Variants in ANKRD33B observed in about 807,000 individuals in gnomAD.
ANKRD33B encodes the protein ankyrin repeat domain 33B.
A neutral mutation model predicts 21.5 loss-of-function variants in ANKRD33B; 6 were observed. The observed-to-expected ratio is 0.28, with a 90% confidence interval of 0.15 to 0.55. The LOEUF is 0.55. Among genes scored for constraint, ANKRD33B ranks in the 20% least tolerant of loss-of-function variants. The probability of loss-of-function intolerance (pLI) is 0.94; values close to 1 mark genes in which losing one functional copy is unlikely to be tolerated. For missense variants in ANKRD33B, 698 were observed against 747.2 expected, an observed-to-expected ratio of 0.93 and a Z score of 0.77; for synonymous variants, 347 against 342.4, an observed-to-expected ratio of 1.01 and a Z score of -0.15.
At chr5:10,636,549 CCACACTACAG>C (rs1449058723) in intron 2 of ANKRD33B, among the ~76,000 whole-genome samples, 3 of 152,144 alleles carry the variant, frequency 2.0e-5, no homozygotes, top group Non-Finnish European at 2.9e-5. Context: ...CCCAGGAGGT[CCACACTACAG>C]TGAGCTATGA....
chr5:10,637,345 C>T (rs1736890431), intron 2 of ANKRD33B, among the ~76,000 whole-genome samples: 1 of 151,762 alleles, frequency 6.6e-6, no homozygotes, highest in African/African-American at 2.4e-5. Context: ...TTCTCTGAGA[C>T]ATCTCCTTAC....
chr5:10,626,820 G>A (rs1736561899), intron 2 of ANKRD33B, among the ~76,000 whole-genome samples: 1 of 152,200 alleles, frequency 6.6e-6, no homozygotes, highest in South Asian at 2.1e-4. Flanking sequence ...CACCAACCAG[G>A]GTTGCGTCAC....
At chr5:10,640,446 T>C (rs1737020076) in intron 3 of ANKRD33B, among the ~76,000 whole-genome samples, 1 of 152,210 alleles carries the variant, frequency 6.6e-6, no homozygotes, top group South Asian at 2.1e-4. Flanking sequence ...CTAAGCTAAA[T>C]GCCACACAAC....
At chr5:10,570,578 G>A (rs116770021) in intron 1 of ANKRD33B, among the ~76,000 whole-genome samples, 4,863 of 152,142 alleles carry the variant, frequency 0.032, 277 homozygotes, top group African/African-American at 0.11. Flanking sequence ...ATTATTTTGA[G>A]ATAGAGTCTC....
At chr5:10,604,346 C>T (rs949464317) in intron 1 of ANKRD33B, among the ~76,000 whole-genome samples, 13 of 151,020 alleles carry the variant, frequency 8.6e-5, no homozygotes, top group Non-Finnish European at 1.5e-4. Context: ...TATGCGCCAC[C>T]GCACCCGGCT....
At chr5:10,581,398 G>A (rs1267614528) in intron 1 of ANKRD33B, among the ~76,000 whole-genome samples, 1 of 152,242 alleles carries the variant, frequency 6.6e-6, no homozygotes, top group South Asian at 2.1e-4. Flanking sequence ...CTCTGGGCTC[G>A]CCAACACCGT....
intron 2 of ANKRD33B, 79 bp downstream of exon 2, chr5:10,618,541 T>A (rs149740106): frequency 6.9e-7 from 1 of 1,448,176 alleles, no homozygotes; most frequent in Non-Finnish European, 9.1e-7. Context: ...CCCGTTGCGA[T>A]GCAGTCAGGA....
At chr5:10,588,189 G>A (rs1049762467) in intron 1 of ANKRD33B, among the ~76,000 whole-genome samples, 2 of 152,180 alleles carry the variant, frequency 1.3e-5, no homozygotes, top group East Asian at 1.9e-4. Context: ...AAGTGACTGC[G>A]AATTCATGAT....
At chr5:10,637,918 G>T (rs1736909892) in intron 2 of ANKRD33B, 110 bp from the exon 3 acceptor site, 1 of 1,268,192 alleles carries the variant, frequency 7.9e-7, no homozygotes, top group Middle Eastern at 2.7e-4. Flanking sequence ...CAGCAGACCG[G>T]CTGGCCCAGG....
intron 1 of ANKRD33B, among the ~76,000 whole-genome samples, chr5:10,616,103 T>C (rs990818581): frequency 5.9e-5 from 9 of 152,200 alleles, no homozygotes; most frequent in African/African-American, 2.2e-4. Flanking sequence ...ATTGAGTTGA[T>C]TATGCTGTGG....
At chr5:10,579,501 T>G (rs1243675912) in intron 1 of ANKRD33B, among the ~76,000 whole-genome samples, 2 of 152,202 alleles carry the variant, frequency 1.3e-5, no homozygotes, top group African/African-American at 4.8e-5. Context: ...TTTTTAAAAT[T>G]TCTGAATAGA....
Position 10,638,132 on chromosome 5 carries a change from G to C in ANKRD33B, c.601G>C (p.Gly201Arg). Reference protein sequence around the residue: ...FTALMKAAMQGRTDCIRALML... With the variant: ...FTALMKAAMQRRTDCIRALML... The stretch of plus-strand genomic sequence containing the variant: ...CGCCCTGATGAAAGCCGCCATGCAG[G>C]GTCGAACGGACTGCATCCGAGCCCT... Residue 201 changes from glycine (G) to arginine (R), a missense_variant, in exon 3 of 4, where the codon GGT becomes CGT. This residue lies in a region of ANKRD33B where 543 missense variants were observed against 566.5 expected (regional missense o/e 0.96). Coordinates refer to ENST00000296657, the MANE Select transcript of ANKRD33B (RefSeq NM_001164440.2). The C allele has an allele frequency of 6.5e-7, 1 of 1,537,412 alleles. No homozygotes were observed. Among genetic ancestry groups the C allele is most frequent in the Non-Finnish European group, 8.7e-7 (1 of 1,146,918 alleles).
chr5:10,648,775 G>T (rs917986678), intron 3 of ANKRD33B, among the ~76,000 whole-genome samples: 1 of 151,942 alleles, frequency 6.6e-6, no homozygotes, highest in African/African-American at 2.4e-5. Flanking sequence ...AAAAAATTCT[G>T]TAATTTAGGT....
chr5:10,631,305 G>T (rs945253859), intron 2 of ANKRD33B, among the ~76,000 whole-genome samples: 6 of 152,176 alleles, frequency 3.9e-5, no homozygotes, highest in Non-Finnish European at 5.9e-5. Context: ...GGTCTGCAAG[G>T]AATGAGAGGT....
At chr5:10,617,497 C>A (rs1414400668) in intron 1 of ANKRD33B, among the ~76,000 whole-genome samples, 1 of 152,232 alleles carries the variant, frequency 6.6e-6, no homozygotes, top group Non-Finnish European at 1.5e-5. Flanking sequence ...AATCCAAATT[C>A]GCCTCCCCAG....
At chr5:10,597,489 T>TAACA in intron 1 of ANKRD33B, among the ~76,000 whole-genome samples, 1 of 152,178 alleles carries the variant, frequency 6.6e-6, no homozygotes, top group Admixed American at 6.5e-5. Flanking sequence ...CAAGAAGAGC[T>TAACA]AACTATCCTA....
rs1579765818 is a variant in ANKRD33B at position 10,653,069 on chromosome 5, A to C, written c.*2956A>C. 1 of 173,680 alleles carries C rather than the reference A, an allele frequency of 5.8e-6. No individual in the cohort carries two copies. The highest frequency in any genetic ancestry group is 1.3e-5 in the Non-Finnish European group (1 of 79,830). 10.8% of individuals were successfully genotyped at this position (173,680 alleles called of 1,614,324 possible). A position where few individuals can be genotyped will look rare whatever the true frequency, so the allele number is the denominator to read the frequency against. Reference sequence around the variant, plus strand: ...CTCAGTGGAAAGATTGGATTTTGAAACCTGCCAGACCCAACTGAAAGAAGG... The same window carrying C: ...CTCAGTGGAAAGATTGGATTTTGAACCCTGCCAGACCCAACTGAAAGAAGG... On this transcript the variant is annotated 3_prime_UTR_variant, in exon 4 of 4. Coordinates refer to ENST00000296657, the MANE Select transcript of ANKRD33B (RefSeq NM_001164440.2).
At chr5:10,565,829 G>A (rs183796990) in intron 1 of ANKRD33B, among the ~76,000 whole-genome samples, 44 of 152,334 alleles carry the variant, frequency 2.9e-4, no homozygotes, top group Non-Finnish European at 5.4e-4. Context: ...TCCAAGGACC[G>A]TGGTATCTGC....
At chr5:10,588,874 T>G (rs1735621832) in intron 1 of ANKRD33B, among the ~76,000 whole-genome samples, 2 of 152,190 alleles carry the variant, frequency 1.3e-5, no homozygotes, top group African/African-American at 4.8e-5. Context: ...TGAGTGCATA[T>G]TAGCTAGTGG....
Sources: gnomAD v4.1 joint callset for allele counts (sites outside exome capture counted in the v4.1 genomes callset) on GRCh38, gnomAD v4.1.1 for gene constraint, gnomAD v4.1.1 regional missense constraint, MANE v1.5 for transcripts, NCBI Gene and HGNC (gene_info 2026-07-23, HGNC 2026-07-21) for gene names.